Variants in SGSH observed in about 807,000 individuals in gnomAD.
SGSH encodes the protein N-sulfoglucosamine sulfohydrolase.
SGSH carries 48 observed loss-of-function variants against 51.0 expected under a neutral mutation model. The observed-to-expected ratio is 0.94, with a 90% CI of 0.75 to 1.20. The LOEUF is 1.20. Ranked by LOEUF, SGSH falls within the 50% of genes most tolerant of loss-of-function variation. SGSH has a pLI of 0.00. For missense variants in SGSH, 662 were observed against 717.8 expected (o/e 0.92, Z 0.89); for synonymous variants, 321 against 313.4 (o/e 1.02, Z -0.26).
downstream of SGSH, chr17:80,208,239 T>A: frequency 6.3e-7 from 1 of 1,576,212 alleles, no homozygotes. Flanking sequence ...TACAGCAGCC[T>A]GGCTCCTGAC....
At chr17:80,207,099 G>T, downstream of SGSH, 1 of 1,596,474 alleles carries the variant, frequency 6.3e-7, no homozygotes, top group Non-Finnish European at 8.6e-7. Flanking sequence ...GGTGCACGCT[G>T]GGGGCTGGGC....
At chr17:80,208,191 G>A (rs1372394106), downstream of SGSH, 3 of 1,552,392 alleles carry the variant, frequency 1.9e-6, no homozygotes, top group Non-Finnish European at 2.6e-6. Context: ...GAGGCTGCGA[G>A]GCAGGAGGAG....
chr17:80,211,575 T>C, intron 7 of SGSH: 1 of 276,708 alleles, frequency 3.6e-6, no homozygotes, highest in Non-Finnish European at 7.1e-6. Context: ...CCTAGGTCTT[T>C]TTAGGAATGA....
chr17:80,204,835 T>C, downstream of SGSH: 2 of 548,888 alleles, frequency 3.6e-6, no homozygotes, highest in Non-Finnish European at 6.4e-6. Context: ...CAGAGCTGTG[T>C]AACCCCCGTG....
At chr17:80,207,741 C>T, downstream of SGSH, 1 of 213,712 alleles carries the variant, frequency 4.7e-6, no homozygotes. Flanking sequence ...CAAATTGGCA[C>T]TCCCTCCCCC....
At chr17:80,202,240 A>T, downstream of SGSH, 1 of 1,613,924 alleles carries the variant, frequency 6.2e-7, no homozygotes, top group Non-Finnish European at 8.5e-7. Flanking sequence ...GACTCATTCT[A>T]CATCCGGGTC....
chr17:80,205,153 G>A (rs950950885), downstream of SGSH: 2 of 1,613,840 alleles, frequency 1.2e-6, no homozygotes, highest in Non-Finnish European at 1.7e-6. Context: ...CGGTTGGGAA[G>A]ATCCTGAGCG....
At chr17:80,216,304 G>A (rs1354355554) in intron 2 of SGSH, among the ~76,000 whole-genome samples, 1 of 152,044 alleles carries the variant, frequency 6.6e-6, no homozygotes, top group Non-Finnish European at 1.5e-5. Flanking sequence ...ACTCCAGCCT[G>A]GGTGACAGAG....
the SGSH span, chr17:80,201,631 G>A: frequency 9.1e-7 from 1 of 1,103,910 alleles, no homozygotes; most frequent in Non-Finnish European, 1.4e-6. This position sits in a 1 kb window ranked among gnomAD's most constrained non-coding sequence, Gnocchi z 5.0. Flanking sequence ...GCAGGCAGTG[G>A]TCCTACGGCA....
chr17:80,202,395 C>T (rs560027976), downstream of SGSH: 17 of 1,612,914 alleles, frequency 1.1e-5, no homozygotes, highest in South Asian at 1.9e-4. Flanking sequence ...TACTGCCGCG[C>T]ACGGCACCAT....
At chr17:80,201,357 G>C in the SGSH span, 1 of 205,562 alleles carries the variant, frequency 4.9e-6, no homozygotes, top group Non-Finnish European at 1.0e-5. This position sits in a 1 kb window ranked among gnomAD's most constrained non-coding sequence, Gnocchi z 5.0. Context: ...GTAGGGCCCG[G>C]TATAGCCCGC....
At chr17:80,211,984 A>G in intron 7 of SGSH, 87 bp downstream of exon 7, 1 of 1,046,654 alleles carries the variant, frequency 9.6e-7, no homozygotes, top group South Asian at 1.3e-5. Context: ...ACATTAGGTA[A>G]TGGGTGTGGA....
downstream of SGSH, chr17:80,205,563 A>T: frequency 8.8e-6 from 14 of 1,583,106 alleles, no homozygotes; most frequent in Non-Finnish European, 1.1e-5. Flanking sequence ...TGAGGCCTGG[A>T]GCCAGAGAGG....
At chr17:80,207,115 C>T, downstream of SGSH, 14 of 1,540,564 alleles carry the variant, frequency 9.1e-6, no homozygotes, top group Non-Finnish European at 1.3e-5. Context: ...TGGGCAGGGG[C>T]TTCGAAGCGG....
chr17:80,210,405 T>A lies in SGSH; in HGVS notation c.*47A>T, dbSNP rs1048470992. 2 of 1,536,248 alleles carry A rather than the reference T, an allele frequency of 1.3e-6. No individual in the cohort carries two copies. The highest frequency in any genetic ancestry group is 1.4e-5 in the African/African-American group (1 of 73,562). On this transcript the variant is annotated 3_prime_UTR_variant, in exon 8 of 8. Coordinates refer to ENST00000326317, the MANE Select transcript of SGSH (RefSeq NM_000199.5). ...GCCGGCCACACGGACACGTGTGGGA[T>A]GTGTCTGGGACATGCCTGGGATGTG...
chr17:80,212,272 C>A lies in SGSH; in HGVS notation c.748G>T (p.Val250Phe), dbSNP rs1481986186. Residue 250 changes from valine to phenylalanine, a missense_variant and splice_region_variant, in exon 7 of 8, where the codon GTT becomes TTT. Physicochemically the swap from Val to Phe is conservative, Grantham distance 50. Coordinates refer to ENST00000326317, the MANE Select transcript of SGSH (RefSeq NM_000199.5). The surrounding 1 kb of genome is among the most constrained non-coding windows in gnomAD (Gnocchi z 5.9). ...YTTVGRMDQG[V>F]GLVLQELRDA... ...CGCAGCTCCTGGAGCACCAGTCCAA[C>A]TCCTGTGGTGAGGGGCCGAGAAGCA... 5 of 1,605,968 alleles carry A rather than the reference C, an allele frequency of 3.1e-6. No homozygotes were observed. The highest frequency in any genetic ancestry group is 4.2e-6 in the Non-Finnish European group (5 of 1,176,642).
Position 80,212,126 on chromosome 17 carries a change from G to A in SGSH, c.894C>T (p.Ser298=). The change falls in exon 7 of 8, where the codon TCC becomes TCT. Residue 298 remains serine (S), a synonymous_variant. Transcript: ENST00000326317. This position sits in a 1 kb window ranked among gnomAD's most constrained non-coding sequence, Gnocchi z 5.9. ...GGCCCCAGCGTTTTGGGTGCTCCGG[G>A]GATGACACCAGTAAGGGTTCAGCAG... The part of the protein sequence containing the change: ...PGTAEPLLVS[S]PEHPKRWGQV... The A allele has an allele frequency of 6.2e-7, 1 of 1,613,616 alleles. No individual in the cohort carries two copies. Among genetic ancestry groups the A allele is most frequent in the Non-Finnish European group, 8.5e-7 (1 of 1,180,024 alleles).
At chr17:80,207,197 G>A (rs777317088), downstream of SGSH, 38 of 669,008 alleles carry the variant, frequency 5.7e-5, no homozygotes, top group Non-Finnish European at 6.8e-5. Context: ...AAGCTGAGGC[G>A]CTGACAGGGC....
At chr17:80,219,097 C>T (rs1278045777) in intron 1 of SGSH, among the ~76,000 whole-genome samples, 1 of 129,386 alleles carries the variant, frequency 7.7e-6, no homozygotes, top group African/African-American at 3.0e-5. Context: ...GAGATTGAGG[C>T]TGCAGTGAGC....
Sources: gnomAD v4.1 joint callset for allele counts (sites outside exome capture counted in the v4.1 genomes callset) on GRCh38, gnomAD v4.1.1 for gene constraint, Gnocchi (gnomAD v3.1) non-coding constraint, MANE v1.5 for transcripts, NCBI Gene and HGNC (gene_info 2026-07-23, HGNC 2026-07-21) for gene names.